RPH3AL: variants seen among roughly 807,000 people sequenced by gnomAD.
RPH3AL encodes the protein rabphilin 3A like (without C2 domains).
Under a neutral mutation model 43.1 loss-of-function variants are expected in RPH3AL, and 38 were observed. That is an observed-to-expected ratio of 0.88 (90% CI 0.68 to 1.15). RPH3AL has a LOEUF of 1.15. RPH3AL is among the 50% of genes most tolerant of loss of function. The pLI is 0.00. For missense variants in RPH3AL, 462 were observed against 423.2 expected, an observed-to-expected ratio of 1.09 and a Z score of -0.81; for synonymous variants, 189 against 176.3, an observed-to-expected ratio of 1.07 and a Z score of -0.57.
chr17:253,621 G>A (rs28556780), intron 6 of RPH3AL, among the ~76,000 whole-genome samples: 1 of 112,616 alleles, frequency 8.9e-6, no homozygotes, highest in African/African-American at 3.2e-5. Flanking sequence ...CTAAGCAATA[G>A]CTCTCCTCTG....
chr17:310,712 C>T (rs940672902), intron 5 of RPH3AL, among the ~76,000 whole-genome samples: 3 of 152,230 alleles, frequency 2.0e-5, no homozygotes, highest in Admixed American at 6.5e-5. Context: ...AATGGTTTCA[C>T]GCCTCCCTCC....
intron 5 of RPH3AL, among the ~76,000 whole-genome samples, chr17:301,095 G>A (rs1184732197): frequency 6.6e-6 from 1 of 152,276 alleles, no homozygotes; most frequent in Non-Finnish European, 1.5e-5. Flanking sequence ...GCTGCCTCAG[G>A]GGGGCCCAGG....
At position 283,700 on chromosome 17, in the gene RPH3AL, G is replaced by C. The variant is rs1348379235; in HGVS notation, c.352-1846C>G. Among the ~76,000 whole-genome samples, 1 of 152,154 alleles carries C rather than the reference G, an allele frequency of 6.6e-6. No individual in the cohort carries two copies. ...GGAGCATGTGGTCATATCTGTGCCAGTCCTGGGTTTGGGATCATTGCTAGG... is the reference window on the plus strand; with the variant it reads ...GGAGCATGTGGTCATATCTGTGCCACTCCTGGGTTTGGGATCATTGCTAGG... On this transcript the variant is annotated intron_variant, in intron 5 of 9. Coordinates refer to ENST00000331302, the MANE Select transcript of RPH3AL (RefSeq NM_006987.4). This position sits in a 1 kb window ranked among gnomAD's most constrained non-coding sequence, Gnocchi z 4.2.
chr17:237,823 C>T (rs551204108), intron 7 of RPH3AL, among the ~76,000 whole-genome samples: 8 of 152,302 alleles, frequency 5.3e-5, no homozygotes, highest in South Asian at 2.1e-4. Context: ...TGGTGTCAGG[C>T]GCTCAGTCAC....
In RPH3AL at chr17:350,542, C is replaced by T. The variant is rs571376207; in HGVS notation, c.-213+2170G>A. On this transcript the variant is annotated intron_variant, in intron 1 of 9. Transcript: ENST00000331302. The stretch of plus-strand genomic sequence containing the variant: ...AGGGGAATCGCTTGAACCGAGGAGG[C>T]GGAGGTTGCAGTGAGCCGAGATCGC... Among the ~76,000 whole-genome samples, 8 of 151,792 alleles carry T rather than the reference C, an allele frequency of 5.3e-5. No individual in the cohort carries two copies. In the East Asian group the frequency reaches 7.8e-4, roughly 15 times the overall value.
chr17:227,436 G>A (rs2041132556), intron 7 of RPH3AL, among the ~76,000 whole-genome samples: 1 of 151,612 alleles, frequency 6.6e-6, no homozygotes, highest in African/African-American at 2.4e-5. Flanking sequence ...CAGGGGACAG[G>A]CGTCATGCTG....
At chr17:299,756 C>CCTGTTATTT (rs2043275534) in intron 5 of RPH3AL, among the ~76,000 whole-genome samples, 5 of 152,240 alleles carry the variant, frequency 3.3e-5, no homozygotes, top group Non-Finnish European at 5.9e-5. Context: ...TGTTATTTAC[C>CCTGTTATTT]ACAACAGAGG....
chr17:350,025 G>T (rs542578364), intron 1 of RPH3AL, among the ~76,000 whole-genome samples: 1 of 152,160 alleles, frequency 6.6e-6, no homozygotes, highest in Non-Finnish European at 1.5e-5. Context: ...CTGCAGATGC[G>T]ATCTCCCTTT....
At chr17:263,153 C>T (rs966569680) in intron 6 of RPH3AL, among the ~76,000 whole-genome samples, 1 of 152,176 alleles carries the variant, frequency 6.6e-6, no homozygotes, top group South Asian at 2.1e-4. Context: ...AAGATACCAT[C>T]TAGACAAGGA....
At chr17:280,787 G>A (rs1350837692) in intron 6 of RPH3AL, among the ~76,000 whole-genome samples, 1 of 152,158 alleles carries the variant, frequency 6.6e-6, no homozygotes, top group Non-Finnish European at 1.5e-5. Context: ...GGAGCTGTGG[G>A]GGATGGTTGA....
intron 1 of RPH3AL, among the ~76,000 whole-genome samples, chr17:351,228 T>C (rs2045348142): frequency 1.3e-5 from 2 of 152,138 alleles, no homozygotes; most frequent in South Asian, 4.1e-4. Context: ...GTTTGGCTTC[T>C]TAAACCCTCT....
intron 1 of RPH3AL, among the ~76,000 whole-genome samples, chr17:342,851 A>C (rs565890098): frequency 6.6e-6 from 1 of 152,308 alleles, no homozygotes; most frequent in South Asian, 2.1e-4. Context: ...TTCTCCTCAT[A>C]GAGAATTTAT....
intron 1 of RPH3AL, among the ~76,000 whole-genome samples, chr17:350,537 G>A (rs1420819988): frequency 6.6e-6 from 1 of 152,044 alleles, no homozygotes; most frequent in Non-Finnish European, 1.5e-5. Flanking sequence ...CTTGAACCGA[G>A]GAGGCGGAGG....
Position 264,454 on chromosome 17 carries a change from C to T in RPH3AL, c.439-17169G>A, listed in dbSNP as rs190136154. 4.4e-3 allele frequency among the ~76,000 whole-genome samples: 626 copies of T among 143,290 alleles called. 7 individuals carry two copies. The highest frequency in any genetic ancestry group is 7.6e-3 in the Non-Finnish European group (489 of 64,676). The allele number at this position is 143,290 out of a possible 152,430, so 94.0% of individuals were successfully genotyped here. On this transcript the variant is annotated intron_variant, in intron 6 of 9. Transcript: ENST00000331302. This position sits in a 1 kb window ranked among gnomAD's most constrained non-coding sequence, Gnocchi z 4.8. ...CTGCAGCATGTTGACAGCAGGATTA[C>T]CCTTCGGAGCCGCGAGCGCTGGATG... is the stretch of plus-strand genomic sequence containing the variant.
At chr17:241,161 G>T (rs1390265454) in intron 7 of RPH3AL, among the ~76,000 whole-genome samples, 1 of 151,850 alleles carries the variant, frequency 6.6e-6, no homozygotes, top group Admixed American at 6.6e-5. Context: ...GGCCAAGGTG[G>T]GTGGACAGCT....
chr17:338,622 G>A (rs1377018241), intron 1 of RPH3AL: 7 of 152,168 alleles, frequency 4.6e-5, no homozygotes, highest in Non-Finnish European at 7.3e-5. Context: ...CCAGGCTGCC[G>A]GGCACCTGGC....
chr17:349,980 C>A (rs921825457), intron 1 of RPH3AL, among the ~76,000 whole-genome samples: 30 of 152,194 alleles, frequency 2.0e-4, no homozygotes, highest in African/African-American at 6.5e-4. Flanking sequence ...CAATTAGATT[C>A]CTCCAAGTTA....
chr17:213,511 G>A lies in RPH3AL; in HGVS notation c.*341C>T. ...GCAACGGAGATAGCCCCACCGGGCGGCCCCTCTGACACTGCATGTGGGAAA... is the reference window on the plus strand; with the variant it reads ...GCAACGGAGATAGCCCCACCGGGCGACCCCTCTGACACTGCATGTGGGAAA... On this transcript the variant is annotated 3_prime_UTR_variant, in exon 10 of 10. Coordinates refer to ENST00000331302, the MANE Select transcript of RPH3AL (RefSeq NM_006987.4). 2.4e-6 allele frequency: 1 copy of A among 418,832 alleles called. No individual in the cohort carries two copies. The highest frequency in any genetic ancestry group is 4.4e-6 in the Non-Finnish European group (1 of 228,102). 25.9% of individuals were successfully genotyped at this position (418,832 alleles called of 1,614,324 possible).
At chr17:307,449 G>A (rs1250227894) in intron 5 of RPH3AL, among the ~76,000 whole-genome samples, 1 of 152,170 alleles carries the variant, frequency 6.6e-6, no homozygotes, top group African/African-American at 2.4e-5. Context: ...CCCCACAGCA[G>A]GTCTGCCCCA....
Sources: gnomAD v4.1 joint callset for allele counts (sites outside exome capture counted in the v4.1 genomes callset) on GRCh38, gnomAD v4.1.1 for gene constraint, Gnocchi (gnomAD v3.1) non-coding constraint, MANE v1.5 for transcripts, NCBI Gene and HGNC (gene_info 2026-07-23, HGNC 2026-07-21) for gene names.